RBFOX1: variants seen among roughly 807,000 people sequenced by gnomAD.
RBFOX1 encodes the protein RNA binding fox-1 homolog 1, also known as RNA binding protein fox-1 homolog 1.
A neutral mutation model predicts 57.7 loss-of-function variants in RBFOX1; 8 were observed. That is an observed-to-expected ratio of 0.14 (90% CI 0.08 to 0.25). RBFOX1 has a LOEUF of 0.25. Among genes scored for constraint, RBFOX1 ranks in the 10% least tolerant of loss-of-function variants. The pLI is 1.00. For missense variants in RBFOX1, 611 were observed against 548.5 expected (o/e 1.11, Z -1.14); for synonymous variants, 326 against 222.4 (o/e 1.47, Z -4.15).
At chr16:5,719,907 C>T (rs897603326) in intron 3 of RBFOX1, among the ~76,000 whole-genome samples, 3 of 152,126 alleles carry the variant, frequency 2.0e-5, no homozygotes, top group Admixed American at 2.0e-4. Flanking sequence ...TGACTTCTCT[C>T]GAAAGTATAT....
At chr16:7,027,154 C>G (rs551947800) in intron 3 of RBFOX1, among the ~76,000 whole-genome samples, 1 of 152,164 alleles carries the variant, frequency 6.6e-6, no homozygotes, top group Non-Finnish European at 1.5e-5. Context: ...AGTCTACCCT[C>G]CTTACGAGAC....
chr16:5,476,484 C>G (rs1250982686), intron 2 of RBFOX1, among the ~76,000 whole-genome samples: 3 of 152,156 alleles, frequency 2.0e-5, no homozygotes, highest in African/African-American at 7.2e-5. Context: ...GAGCTCATTA[C>G]TCATTCATGT....
At chr16:6,588,568 C>T (rs2097664409) in intron 2 of RBFOX1, among the ~76,000 whole-genome samples, 1 of 152,072 alleles carries the variant, frequency 6.6e-6, no homozygotes, top group African/African-American at 2.4e-5. Flanking sequence ...TGGAGAATCG[C>T]TTGAATCTAG....
At chr16:6,314,165 A>C (rs1290714557) in intron 1 of RBFOX1, among the ~76,000 whole-genome samples, 1 of 152,150 alleles carries the variant, frequency 6.6e-6, no homozygotes, top group African/African-American at 2.4e-5. Flanking sequence ...CTCTTTCTGG[A>C]ATGAAGGTCA....
At chr16:6,907,192 G>A (rs978058132) in intron 3 of RBFOX1, among the ~76,000 whole-genome samples, 2 of 152,110 alleles carry the variant, frequency 1.3e-5, no homozygotes, top group African/African-American at 4.8e-5. Context: ...CCTGGCATCT[G>A]TAGGGCAGGG....
intron 1 of RBFOX1, among the ~76,000 whole-genome samples, chr16:5,434,472 C>CATGG (rs2067854880): frequency 6.6e-6 from 1 of 151,820 alleles, no homozygotes; most frequent in African/African-American, 2.4e-5. Flanking sequence ...CAGGCATGCA[C>CATGG]CACCATGCCC....
intron 1 of RBFOX1, among the ~76,000 whole-genome samples, chr16:5,392,825 C>T (rs1254727306): frequency 6.6e-6 from 1 of 152,126 alleles, no homozygotes; most frequent in Non-Finnish European, 1.5e-5. Flanking sequence ...AGCAGGAGCA[C>T]CTCAGGGACC....
chr16:5,416,655 C>T lies in RBFOX1; in HGVS notation c.220-50561C>T, dbSNP rs139768896. Among the ~76,000 whole-genome samples, 571 of 151,304 alleles carry T rather than the reference C, an allele frequency of 3.8e-3. 3 individuals carry two copies. Among genetic ancestry groups the T allele is most frequent in the African/African-American group, 0.011 (458 of 41,178 alleles). On this transcript the variant is annotated intron_variant, in intron 1 of 2. Coordinates refer to the RBFOX1 transcript ENST00000585867. ...GATTTGAAGTCTCTTACAATGCTTA[C>T]GATTGTTCCCTGTATGTAATGTGTC... is the stretch of plus-strand genomic sequence containing the variant.
chr16:7,485,262 G>A (rs1020183656), intron 4 of RBFOX1, among the ~76,000 whole-genome samples: 7 of 152,204 alleles, frequency 4.6e-5, no homozygotes, highest in South Asian at 2.1e-4. Flanking sequence ...CTGCACCCTC[G>A]CGTGTTGCTT....
intron 3 of RBFOX1, among the ~76,000 whole-genome samples, chr16:7,045,730 C>T (rs1415873757): frequency 6.6e-6 from 1 of 152,048 alleles, no homozygotes; most frequent in African/African-American, 2.4e-5. Flanking sequence ...TCTTCATTCA[C>T]TGCCTACCTC....
At chr16:5,421,666 A>T (rs527301357) in intron 1 of RBFOX1, among the ~76,000 whole-genome samples, 11 of 152,206 alleles carry the variant, frequency 7.2e-5, no homozygotes, top group Non-Finnish European at 1.5e-4. Flanking sequence ...GGCTTATTTT[A>T]TTCTTTAATT....
At chr16:7,429,203 G>A (rs1332356863) in intron 4 of RBFOX1, among the ~76,000 whole-genome samples, 3 of 152,168 alleles carry the variant, frequency 2.0e-5, no homozygotes, top group Non-Finnish European at 2.9e-5. Flanking sequence ...GACATCTACT[G>A]GACAGAGGCA....
intron 2 of RBFOX1, among the ~76,000 whole-genome samples, chr16:6,396,874 A>G (rs888017632): frequency 6.6e-6 from 1 of 152,232 alleles, no homozygotes; most frequent in Non-Finnish European, 1.5e-5. Context: ...AGAAATAACT[A>G]GTTATATAAA....
chr16:7,705,482 G>A (rs1439370161), intron 14 of RBFOX1, among the ~76,000 whole-genome samples: 1 of 152,154 alleles, frequency 6.6e-6, no homozygotes, highest in Non-Finnish European at 1.5e-5. Context: ...TCCAGCCTTA[G>A]CAACAGAGCA....
chr16:5,305,426 A>C (rs1205909561), intron 1 of RBFOX1, among the ~76,000 whole-genome samples: 1 of 152,138 alleles, frequency 6.6e-6, no homozygotes, highest in Non-Finnish European at 1.5e-5. Context: ...GAGGTCTGGC[A>C]GGAAATGATG....
At chr16:6,082,288 C>T (rs2096013789) in intron 1 of RBFOX1, among the ~76,000 whole-genome samples, 1 of 138,556 alleles carries the variant, frequency 7.2e-6, no homozygotes, top group Non-Finnish European at 1.5e-5. Context: ...TCAAGCGATT[C>T]TCCTGCCTCA....
intron 3 of RBFOX1, among the ~76,000 whole-genome samples, chr16:6,795,867 C>G (rs941523883): frequency 1.3e-5 from 2 of 151,478 alleles, no homozygotes; most frequent in African/African-American, 4.8e-5. Flanking sequence ...TCCACAAAAT[C>G]ACCCCCTGCC....
chr16:6,440,603 T>C (rs1406303181), intron 2 of RBFOX1, among the ~76,000 whole-genome samples: 5 of 151,820 alleles, frequency 3.3e-5, no homozygotes, highest in African/African-American at 4.8e-5. Context: ...GAGATCAAGA[T>C]CATCCTGGCC....
chr16:7,045,135 T>C (rs2047465895), intron 3 of RBFOX1, among the ~76,000 whole-genome samples: 1 of 152,134 alleles, frequency 6.6e-6, no homozygotes, highest in Admixed American at 6.5e-5. Flanking sequence ...GCCACCTAAC[T>C]CATGAGATGT....
Sources: allele counts gnomAD v4.1 joint callset (sites outside exome capture counted in the v4.1 genomes callset), GRCh38; gene constraint gnomAD v4.1.1; transcripts MANE v1.5; gene names NCBI Gene and HGNC (gene_info 2026-07-23, HGNC 2026-07-21).